The following PPP2R5D variants were observed in gnomAD, a reference collection of about 807,000 sequenced individuals.
PPP2R5D encodes protein phosphatase 2 regulatory subunit B'delta, also known as serine/threonine-protein phosphatase 2A 56 kDa regulatory subunit delta isoform.
A neutral mutation model predicts 79.1 loss-of-function variants in PPP2R5D; 12 were observed. That is an observed-to-expected ratio of 0.15 (90% CI 0.10 to 0.25). The LOEUF (loss-of-function observed/expected upper bound fraction) is 0.25. Ranked by LOEUF, PPP2R5D falls within the 10% of genes least tolerant of loss-of-function variation. PPP2R5D has a pLI of 1.00. For missense variants in PPP2R5D, 419 were observed against 760.2 expected, an observed-to-expected ratio of 0.55 and a Z score of 5.28; for synonymous variants, 277 against 286.6, an observed-to-expected ratio of 0.97 and a Z score of 0.34.
intron 2 of PPP2R5D, among the ~76,000 whole-genome samples, chr6:42,990,337 A>T (rs1771170914): frequency 6.6e-6 from 1 of 152,214 alleles, no homozygotes; most frequent in Non-Finnish European, 1.5e-5. Context: ...CACAGCGAGC[A>T]TCCACCACAT....
chr6:42,996,458 C>T (rs1267003166), intron 2 of PPP2R5D, among the ~76,000 whole-genome samples: 3 of 148,198 alleles, frequency 2.0e-5, no homozygotes, highest in Non-Finnish European at 4.4e-5. Flanking sequence ...AGCGAGACTC[C>T]GTCTCAAAAA....
chr6:42,993,229 G>A (rs545449623), intron 2 of PPP2R5D, among the ~76,000 whole-genome samples: 116 of 152,074 alleles, frequency 7.6e-4, no homozygotes, highest in Non-Finnish European at 1.4e-3. Flanking sequence ...CCCAAGAGCC[G>A]GAGGATGCAG....
Position 43,009,358 on chromosome 6 carries a change from T to C in PPP2R5D, c.1288T>C (p.Tyr430His). ...TGCTCTCTATTACTGGAACAATGAG[T>C]ACATCATGAGCCTGATAAGTGACAA... ...ERALYYWNNE[Y>H]IMSLISDNAA... The change falls in exon 12 of 16, where the codon TAC becomes CAC. Residue 430 changes from tyrosine to histidine, a missense_variant. Transcript: ENST00000485511. The surrounding 1 kb of genome is among the most constrained non-coding windows in gnomAD (Gnocchi z 5.6). 1 of 1,613,868 alleles carries C rather than the reference T, an allele frequency of 6.2e-7. No homozygotes were observed.
chr6:42,998,762 C>T (rs1401076772), intron 2 of PPP2R5D, among the ~76,000 whole-genome samples: 1 of 150,066 alleles, frequency 6.7e-6, no homozygotes, highest in East Asian at 2.0e-4. Flanking sequence ...AGGCCAGGCA[C>T]GGTGGCTCAC....
In PPP2R5D at chr6:43,008,814, T is replaced by G. The variant is rs6458319; in HGVS notation, c.1080+68T>G. ...GCATCACTTGCCAGTCTGTACCTAC[T>G]GGGGGTGCCATAAGGGGGAACTCAG... On this transcript the variant is annotated intron_variant, in intron 10 of 15. Coordinates refer to ENST00000485511, the MANE Select transcript of PPP2R5D (RefSeq NM_006245.4). This position sits in a 1 kb window ranked among gnomAD's most constrained non-coding sequence, Gnocchi z 4.2. 2 of 1,535,976 alleles carry G rather than the reference T, an allele frequency of 1.3e-6. No individual in the cohort carries two copies. The highest frequency in any genetic ancestry group is 1.4e-5 in the African/African-American group (1 of 72,934).
In PPP2R5D at chr6:43,008,570, G is replaced by A. The variant is rs1762206466; in HGVS notation, c.1026+95G>A. On this transcript the variant is annotated intron_variant, in intron 9 of 15. Transcript: ENST00000485511. This position sits in a 1 kb window ranked among gnomAD's most constrained non-coding sequence, Gnocchi z 4.2. ...AGCTGGGATAGGGGAAGCATAGGGA[G>A]CAGGTGGGATAATTCCTTCCCTCCA... 1 of 1,473,050 alleles carries A rather than the reference G, an allele frequency of 6.8e-7. No homozygotes were observed. The highest frequency in any genetic ancestry group is 1.4e-5 in the African/African-American group (1 of 71,796). The allele number at this position is 1,473,050 out of a possible 1,614,324, so 91.2% of individuals were successfully genotyped here. A position where few individuals can be genotyped will look rare whatever the true frequency, so the allele number is the denominator to read the frequency against.
At chr6:42,997,445 G>C (rs1771778537) in intron 2 of PPP2R5D, among the ~76,000 whole-genome samples, 1 of 152,106 alleles carries the variant, frequency 6.6e-6, no homozygotes, top group South Asian at 2.1e-4. Flanking sequence ...GCCCACCTCA[G>C]CCTCCCAAAG....
In PPP2R5D at chr6:43,002,821, T is replaced by G. The variant is rs147114803; in HGVS notation, c.106-3642T>G. Among the ~76,000 whole-genome samples, 363 of 151,090 alleles carry G rather than the reference T, an allele frequency of 2.4e-3. 4 individuals carry two copies. Among genetic ancestry groups the G allele is most frequent in the African/African-American group, 8.4e-3 (343 of 41,010 alleles). On this transcript the variant is annotated intron_variant, in intron 2 of 15. Coordinates refer to ENST00000485511, the MANE Select transcript of PPP2R5D (RefSeq NM_006245.4). The stretch of plus-strand genomic sequence containing the variant: ...GTTCTTCTATTATTATGGTAAGGAG[T>G]AAGAGTTTGGGATGGGAGCTGGAGA...
chr6:42,989,528 T>G, intron 1 of PPP2R5D, 83 bp from the exon 2 acceptor site: 1 of 1,173,700 alleles, frequency 8.5e-7, no homozygotes. Flanking sequence ...AGAGGATATT[T>G]GCAACAAAGA....
chr6:42,998,232 G>A (rs952677291), intron 2 of PPP2R5D, among the ~76,000 whole-genome samples: 12 of 149,198 alleles, frequency 8.0e-5, no homozygotes, highest in Non-Finnish European at 1.5e-4. Context: ...GTGCCACCAC[G>A]CCCAGCTAAT....
intron 2 of PPP2R5D, among the ~76,000 whole-genome samples, chr6:42,998,425 G>A (rs1771945052): frequency 6.6e-6 from 1 of 152,024 alleles, no homozygotes. Context: ...ACCAGGATAG[G>A]TTCAGAGTAG....
In PPP2R5D at chr6:43,009,680, C is replaced by G. The variant is rs1762255068; in HGVS notation, c.1379+231C>G. ...GGCCTGTTACACCGCTCCTTGGGTT[C>G]AGCTATTCTACAGGTCCTATCACAG... On this transcript the variant is annotated intron_variant, in intron 12 of 15. Coordinates refer to ENST00000485511, the MANE Select transcript of PPP2R5D (RefSeq NM_006245.4). The surrounding 1 kb of genome is among the most constrained non-coding windows in gnomAD (Gnocchi z 5.6). Among the ~76,000 whole-genome samples, 1 of 152,184 alleles carries G rather than the reference C, an allele frequency of 6.6e-6. No homozygotes were observed. Among genetic ancestry groups the G allele is most frequent in the Non-Finnish European group, 1.5e-5 (1 of 68,030 alleles).
chr6:42,998,982 C>G (rs1771988057), intron 2 of PPP2R5D, among the ~76,000 whole-genome samples: 2 of 152,186 alleles, frequency 1.3e-5, no homozygotes, highest in Non-Finnish European at 2.9e-5. Context: ...TTGCAGTGAG[C>G]TGAGATTGCA....
At chr6:42,996,484 A>T (rs911842222) in intron 2 of PPP2R5D, among the ~76,000 whole-genome samples, 10 of 151,982 alleles carry the variant, frequency 6.6e-5, no homozygotes, top group African/African-American at 2.4e-4. Context: ...AAAAATAAAA[A>T]AAAAATAAGG....
At chr6:42,984,832 C>A in intron 1 of PPP2R5D, 128 bp downstream of exon 1, 1 of 1,390,608 alleles carries the variant, frequency 7.2e-7, no homozygotes, top group Non-Finnish European at 9.6e-7. Context: ...CTCCTGGGGC[C>A]AGCCCTCCGC....
At chr6:43,001,282 T>C (rs2150269577) in intron 2 of PPP2R5D, among the ~76,000 whole-genome samples, 1 of 152,208 alleles carries the variant, frequency 6.6e-6, no homozygotes, top group Middle Eastern at 3.4e-3. Context: ...GCTGGGATTA[T>C]AGGCATGCGC....
chr6:42,998,011 TTATTTATATATATATATA>T (rs1355248940), intron 2 of PPP2R5D, among the ~76,000 whole-genome samples: 1,259 of 72,508 alleles, frequency 0.017, 41 homozygotes, highest in African/African-American at 0.062. Context: ...TATTTGGGTT[TTATTTATATATATATATA>T]TATATATATA....
In PPP2R5D at chr6:43,008,652, G is replaced by GGAC; in HGVS notation, c.1027-40_1027-38dup. The GGAC allele has an allele frequency of 1.3e-6, 2 of 1,598,442 alleles. No individual in the cohort carries two copies. Among genetic ancestry groups the GGAC allele is most frequent in the Non-Finnish European group, 1.7e-6 (2 of 1,166,076 alleles). On this transcript the variant is annotated intron_variant, in intron 9 of 15. Coordinates refer to ENST00000485511, the MANE Select transcript of PPP2R5D (RefSeq NM_006245.4). This position sits in a 1 kb window ranked among gnomAD's most constrained non-coding sequence, Gnocchi z 4.2. ...TCACTGACTTCTCTGAGAGCTTCTA[G>GGAC]GACCTACACCTCACCTCCCTTCTAC...
chr6:43,000,175 C>G (rs1349425131), intron 2 of PPP2R5D, among the ~76,000 whole-genome samples: 3 of 149,930 alleles, frequency 2.0e-5, no homozygotes, highest in East Asian at 2.0e-4. Flanking sequence ...ACCTCCTGAT[C>G]TAGCCACCTT....
Sources: allele counts gnomAD v4.1 joint callset (sites outside exome capture counted in the v4.1 genomes callset), GRCh38; gene constraint gnomAD v4.1.1; non-coding constraint Gnocchi (gnomAD v3.1); transcripts MANE v1.5; gene names NCBI Gene and HGNC (gene_info 2026-07-23, HGNC 2026-07-21).